MRPL34: variants seen among roughly 807,000 people sequenced by gnomAD.
MRPL34 encodes the protein mitochondrial ribosomal protein L34, also known as large ribosomal subunit protein bL34m.
In MRPL34, 8 loss-of-function variants were observed where a neutral mutation model predicts 6.7. The ratio of observed to expected loss-of-function variants is 1.20; its 90% CI spans 0.70 to 2.16. The LOEUF (loss-of-function observed/expected upper bound fraction) is 2.16, where lower values mean the gene tolerates loss of function less well. Ranked by LOEUF, MRPL34 falls within the 30% of genes most tolerant of loss-of-function variation. The pLI, the probability that MRPL34 is intolerant of heterozygous loss-of-function variation, is 0.00. For synonymous variants in MRPL34, 59 were observed against 55.1 expected (o/e 1.07, Z -0.31); for missense variants, 146 against 125.5 (o/e 1.16, Z -0.78).
intron 1 of MRPL34, chr19:17,294,894 C>A (rs1431023792): frequency 1.3e-6 from 2 of 1,594,004 alleles, no homozygotes; most frequent in South Asian, 1.1e-5. Flanking sequence ...AGGCGGTCAG[C>A]AGGATACAAG....
chr19:17,305,045 G>A (rs1351688426), upstream of MRPL34, among the ~76,000 whole-genome samples: 1 of 152,132 alleles, frequency 6.6e-6, no homozygotes, highest in Non-Finnish European at 1.5e-5. Context: ...CCTTGGAGAG[G>A]AAAGGATTTT....
intron 1 of MRPL34, chr19:17,296,398 T>C (rs1010366303): frequency 6.6e-6 from 1 of 152,184 alleles, no homozygotes; most frequent in Admixed American, 6.5e-5. Context: ...GCGGTAAGAA[T>C]TACTCATCAG....
chr19:17,305,915 T>A lies in MRPL34; in HGVS notation c.23T>A (p.Leu8Gln). Residue 8 changes from leucine (L) to glutamine (Q), a missense_variant, in exon 1 of 2, where the codon CTG (leucine) becomes CAG (glutamine). By Grantham distance (113) the Leu-to-Gln change is moderately radical. Coordinates refer to ENST00000252602, the MANE Select transcript of MRPL34 (RefSeq NM_023937.4). ...GATATGGCTGTCTTGGCTGGATCCC[T>A]GTTGGGCCCCACGAGTAGGTCGGCA... is the stretch of plus-strand genomic sequence containing the variant. The part of the protein sequence containing the change: MAVLAGS[L>Q]LGPTSRSAAL... 3 of 1,614,074 alleles carry A rather than the reference T, an allele frequency of 1.9e-6. No individual in the cohort carries two copies. The highest frequency in any genetic ancestry group is 2.5e-6 in the Non-Finnish European group (3 of 1,179,984).
At chr19:17,294,924 C>A in intron 1 of MRPL34, 1 of 1,528,062 alleles carries the variant, frequency 6.5e-7, no homozygotes, top group Non-Finnish European at 8.9e-7. Context: ...TTTTGTTTTG[C>A]TTTGTTTTTG....
At chr19:17,298,746 T>C (rs2074104004), upstream of MRPL34, among the ~76,000 whole-genome samples, 1 of 146,254 alleles carries the variant, frequency 6.8e-6, no homozygotes, top group Non-Finnish European at 1.5e-5. Flanking sequence ...TTTTTTTTTT[T>C]TTTTTTTTTT....
At chr19:17,299,291 T>G (rs866195396), upstream of MRPL34, among the ~76,000 whole-genome samples, 13 of 143,110 alleles carry the variant, frequency 9.1e-5, no homozygotes, top group Middle Eastern at 3.3e-3. Context: ...GCCTGGTGCG[T>G]TGGCTCACGC....
chr19:17,305,705 G>A (rs780304394), upstream of MRPL34: 90 of 666,648 alleles, frequency 1.4e-4, no homozygotes, highest in Non-Finnish European at 1.7e-4. Context: ...GCATCCCTGT[G>A]CCCCGCGGAT....
Position 17,306,621 on chromosome 19 carries a change from T to G in MRPL34, c.*242T>G. On this transcript the variant is annotated 3_prime_UTR_variant, in exon 2 of 2. Transcript: ENST00000252602. ...GTACAAAGAACATCCGTGTACCCAG[T>G]ACCCTGACTACCGACTACCTACAAC... is the stretch of plus-strand genomic sequence containing the variant. 4 of 376,464 alleles carry G rather than the reference T, an allele frequency of 1.1e-5. No individual in the cohort carries two copies. Among genetic ancestry groups the G allele is most frequent in the East Asian group, 5.0e-5 (1 of 20,196 alleles). 23.3% of individuals were successfully genotyped at this position (376,464 alleles called of 1,614,324 possible).
In MRPL34 at chr19:17,306,392, A is replaced by T; in HGVS notation, c.*13A>T. ...GCTGAGCCATTGAGGATCGCGACGC[A>T]GTCGGCGGGACCCTCATGGAAGCAT... On this transcript the variant is annotated 3_prime_UTR_variant, in exon 2 of 2. Transcript: ENST00000252602. 1.3e-6 allele frequency: 2 copies of T among 1,550,704 alleles called. No homozygotes were observed. The highest frequency in any genetic ancestry group is 1.7e-6 in the Non-Finnish European group (2 of 1,150,358).
chr19:17,302,104 T>C (rs1184063091), upstream of MRPL34: 3 of 152,836 alleles, frequency 2.0e-5, no homozygotes, highest in Non-Finnish European at 4.4e-5. Flanking sequence ...ATGTTTTGTC[T>C]GAGCAGTGCC....
chr19:17,296,138 T>A (rs1202026800), intron 1 of MRPL34: 1 of 152,104 alleles, frequency 6.6e-6, no homozygotes, highest in Non-Finnish European at 1.5e-5. Flanking sequence ...ACCGTGAAAG[T>A]GTGAGTTTGA....
intron 1 of MRPL34, chr19:17,294,198 AG>A: frequency 6.9e-7 from 1 of 1,452,084 alleles, no homozygotes; most frequent in Non-Finnish European, 9.2e-7. Flanking sequence ...ACGCCCACCA[AG>A]CGCTACCACG....
upstream of MRPL34, chr19:17,301,691 A>G: frequency 1.4e-6 from 2 of 1,441,050 alleles, no homozygotes; most frequent in South Asian, 3.0e-5. Flanking sequence ...TGCAGCAGGC[A>G]CTCCCTGAGC....
chr19:17,304,842 C>T (rs2074138342), upstream of MRPL34, among the ~76,000 whole-genome samples: 3 of 152,040 alleles, frequency 2.0e-5, no homozygotes, highest in East Asian at 1.9e-4. Flanking sequence ...AGTGCATTGG[C>T]GCTATCATTG....
chr19:17,294,433 G>C (rs779284386), intron 1 of MRPL34: 2 of 1,614,020 alleles, frequency 1.2e-6, no homozygotes, highest in African/African-American at 1.3e-5. Context: ...GAGTACGAAG[G>C]ATGACACGTT....
chr19:17,296,994 C>T (rs146490750), intron 1 of MRPL34, among the ~76,000 whole-genome samples: 243 of 152,112 alleles, frequency 1.6e-3, no homozygotes, highest in African/African-American at 5.7e-3. Flanking sequence ...CGTGCCTGGC[C>T]AAAAAATGTT....
chr19:17,300,809 G>T, upstream of MRPL34: 1 of 1,540,334 alleles, frequency 6.5e-7, no homozygotes, highest in Non-Finnish European at 8.8e-7. Context: ...TGTAGTCCCT[G>T]CTGACCCCAT....
At chr19:17,298,544 C>T (rs1195294147), upstream of MRPL34, 1 of 152,038 alleles carries the variant, frequency 6.6e-6, no homozygotes, top group Non-Finnish European at 1.5e-5. Flanking sequence ...TGGTTCTCAG[C>T]TGGGGGTAAT....
chr19:17,292,781 C>T (rs2074076883), exon 1 of MRPL34: 1 of 1,613,358 alleles, frequency 6.2e-7, no homozygotes, highest in African/African-American at 1.3e-5. Context: ...ATTCCAGCAT[C>T]ACCATGTGGC....
Sources: allele counts gnomAD v4.1 joint callset (sites outside exome capture counted in the v4.1 genomes callset), GRCh38; gene constraint gnomAD v4.1.1; transcripts MANE v1.5; gene names NCBI Gene and HGNC (gene_info 2026-07-23, HGNC 2026-07-21).